SLC7A14: variants seen among roughly 807,000 people sequenced by gnomAD.
The protein encoded by SLC7A14 is solute carrier family 7 member 14, also known as gamma-aminobutyric acid transporter SLC7A14.
In SLC7A14, 37 loss-of-function variants were observed where a neutral mutation model predicts 60.2. The observed-to-expected ratio is 0.61, with a 90% CI of 0.47 to 0.81. SLC7A14 has a LOEUF of 0.81. Among genes scored for constraint, SLC7A14 ranks in the 30% least tolerant of loss-of-function variants. The pLI is 0.00. For missense variants in SLC7A14, 886 were observed against 982.7 expected, an observed-to-expected ratio of 0.90 and a Z score of 1.32; for synonymous variants, 399 against 395.8, an observed-to-expected ratio of 1.01 and a Z score of -0.10.
At position 170,467,254 on chromosome 3, in the gene SLC7A14, T is replaced by G; in HGVS notation, c.2117A>C (p.Glu706Ala). ...YDVDDPFSVE[E>A]GFSYATEGES... ...GCCCTCTGTGGCGTAGGAGAAACCCTCCTCCACTGAGAAGGGGTCATCCAC... is the reference window on the plus strand; with the variant it reads ...GCCCTCTGTGGCGTAGGAGAAACCCGCCTCCACTGAGAAGGGGTCATCCAC... The change falls in exon 8 of 8, where the codon GAG becomes GCG. Residue 706 changes from glutamate to alanine, a missense_variant. Transcript: ENST00000231706. 6.2e-7 allele frequency: 1 copy of G among 1,613,912 alleles called. No individual in the cohort carries two copies. The highest frequency in any genetic ancestry group is 1.1e-5 in the South Asian group (1 of 91,042).
chr3:170,572,699 T>C (rs534232844), intron 1 of SLC7A14, among the ~76,000 whole-genome samples: 3 of 152,246 alleles, frequency 2.0e-5, no homozygotes, highest in Non-Finnish European at 4.4e-5. Context: ...TTTGTTTTGA[T>C]AGTTAAATTC....
intron 7 of SLC7A14, among the ~76,000 whole-genome samples, chr3:170,473,710 A>G (rs1235555138): frequency 6.6e-6 from 1 of 152,008 alleles, no homozygotes; most frequent in African/African-American, 2.4e-5. Context: ...TTAAAATACC[A>G]CCACGACTCT....
rs1265025668 is a variant in SLC7A14, at chr3:170,545,483, T to C, written c.-152-18395A>G. Among the ~76,000 whole-genome samples the C allele has an allele frequency of 5.3e-5, 8 of 152,214 alleles. No homozygotes were observed. In the East Asian group the frequency reaches 1.3e-3, roughly 26 times the overall value. Reference sequence around the variant, plus strand: ...GTGTGGATGATGTGGGCTGTCCCTGTAGAGTTTAATTGGCCAAATTGGAAG... The same window carrying C: ...GTGTGGATGATGTGGGCTGTCCCTGCAGAGTTTAATTGGCCAAATTGGAAG... On this transcript the variant is annotated intron_variant, in intron 1 of 7. Coordinates refer to ENST00000231706, the MANE Select transcript of SLC7A14 (RefSeq NM_020949.3).
Position 170,498,858 on chromosome 3 carries a change from G to T in SLC7A14, c.568C>A (p.Leu190Ile). ...ATGACCGCGATCAACAGAGCCAGAA[G>T]GTCTGGGTATGATTCTTCACCTTTC... The part of the protein sequence containing the change: ...LGKGEESYPD[L>I]LALLIAVIVT... The change falls in exon 4 of 8, where the codon CTT becomes ATT. Residue 190 changes from leucine (L) to isoleucine (I), a missense_variant. Coordinates refer to ENST00000231706, the MANE Select transcript of SLC7A14 (RefSeq NM_020949.3). The T allele has an allele frequency of 6.2e-7, 1 of 1,614,112 alleles. No homozygotes were observed. The highest frequency in any genetic ancestry group is 8.5e-7 in the Non-Finnish European group (1 of 1,180,030).
intron 7 of SLC7A14, chr3:170,476,896 T>A (rs1711634771): frequency 6.6e-6 from 1 of 152,260 alleles, no homozygotes; most frequent in Non-Finnish European, 1.5e-5. Context: ...GCCACCTGAC[T>A]GTTTTTGCAA....
At chr3:170,583,175 T>G (rs1715284746) in intron 1 of SLC7A14, among the ~76,000 whole-genome samples, 1 of 152,074 alleles carries the variant, frequency 6.6e-6, no homozygotes, top group South Asian at 2.1e-4. Context: ...GGGGAATAGG[T>G]CATAGAAGAG....
intron 3 of SLC7A14, among the ~76,000 whole-genome samples, chr3:170,499,302 G>A (rs1712530693): frequency 7.0e-6 from 1 of 143,212 alleles, no homozygotes; most frequent in Admixed American, 6.9e-5. Flanking sequence ...AACTCTGTGT[G>A]TGTGTGTGTG....
At chr3:170,522,386 C>T (rs886782455) in intron 2 of SLC7A14, among the ~76,000 whole-genome samples, 3 of 152,160 alleles carry the variant, frequency 2.0e-5, no homozygotes, top group Admixed American at 6.5e-5. Flanking sequence ...GGAAACAACC[C>T]AGTTGTCCTC....
At chr3:170,506,002 G>A (rs1178835663) in intron 2 of SLC7A14, among the ~76,000 whole-genome samples, 5 of 152,058 alleles carry the variant, frequency 3.3e-5, no homozygotes, top group Non-Finnish European at 5.9e-5. Context: ...TGCTATTATC[G>A]AAGTGATTTT....
At chr3:170,491,892 C>T (rs1363691702) in intron 4 of SLC7A14, among the ~76,000 whole-genome samples, 2 of 152,122 alleles carry the variant, frequency 1.3e-5, no homozygotes, top group African/African-American at 4.8e-5. Context: ...GACCAACACA[C>T]CTACCAGGGT....
intron 3 of SLC7A14, among the ~76,000 whole-genome samples, chr3:170,499,582 T>C (rs1414428614): frequency 1.3e-5 from 2 of 152,186 alleles, no homozygotes; most frequent in African/African-American, 2.4e-5. Flanking sequence ...CTGTAAAATT[T>C]CCATCCCATT....
intron 4 of SLC7A14, among the ~76,000 whole-genome samples, chr3:170,486,827 G>A (rs372236573): frequency 4.1e-5 from 6 of 147,940 alleles, no homozygotes; most frequent in African/African-American, 1.5e-4. Context: ...AGCTGAGATC[G>A]CGCCATTGCA....
chr3:170,543,576 G>A (rs1230348147), intron 1 of SLC7A14, among the ~76,000 whole-genome samples: 1 of 151,690 alleles, frequency 6.6e-6, no homozygotes, highest in Non-Finnish European at 1.5e-5. Context: ...TTGAACCCCA[G>A]AGGTTGTAGT....
intron 4 of SLC7A14, among the ~76,000 whole-genome samples, chr3:170,490,630 A>ATGTC (rs1409068654): frequency 6.6e-6 from 1 of 152,214 alleles, no homozygotes; most frequent in Non-Finnish European, 1.5e-5. Flanking sequence ...AGTCAATGTG[A>ATGTC]TGTCCACTGT....
intron 1 of SLC7A14, among the ~76,000 whole-genome samples, chr3:170,528,539 G>A (rs1013797332): frequency 6.6e-6 from 1 of 152,152 alleles, no homozygotes; most frequent in Non-Finnish European, 1.5e-5. Flanking sequence ...TGTAGCACTT[G>A]TCTGCTTCTA....
At chr3:170,534,670 A>G (rs1713784593) in intron 1 of SLC7A14, among the ~76,000 whole-genome samples, 1 of 152,228 alleles carries the variant, frequency 6.6e-6, no homozygotes, top group Admixed American at 6.5e-5. Flanking sequence ...CTTTAAAGAT[A>G]TAAATAATGA....
At chr3:170,484,055 G>A (rs1711938938) in intron 5 of SLC7A14, among the ~76,000 whole-genome samples, 1 of 152,170 alleles carries the variant, frequency 6.6e-6, no homozygotes, top group African/African-American at 2.4e-5. Flanking sequence ...TAACTGTTGG[G>A]ACCCAGATAA....
intron 5 of SLC7A14, among the ~76,000 whole-genome samples, chr3:170,484,753 C>T (rs999120160): frequency 6.6e-6 from 1 of 152,146 alleles, no homozygotes; most frequent in African/African-American, 2.4e-5. Context: ...CAAGACCAAA[C>T]AGCTCCTAGG....
intron 4 of SLC7A14, among the ~76,000 whole-genome samples, chr3:170,493,275 C>A (rs1231944341): frequency 6.6e-6 from 1 of 152,178 alleles, no homozygotes; most frequent in Non-Finnish European, 1.5e-5. Flanking sequence ...GCATTTGACC[C>A]AGAACCTGTA....
Sources: gnomAD v4.1 joint callset for allele counts (sites outside exome capture counted in the v4.1 genomes callset) on GRCh38, gnomAD v4.1.1 for gene constraint, MANE v1.5 for transcripts, NCBI Gene and HGNC (gene_info 2026-07-23, HGNC 2026-07-21) for gene names.